ASB5: variants seen among roughly 807,000 people sequenced by gnomAD.
ASB5 encodes the protein ankyrin repeat and SOCS box containing 5.
A neutral mutation model predicts 42.1 loss-of-function variants in ASB5; 45 were observed. That is an observed-to-expected ratio of 1.07 (90% CI 0.84 to 1.37). ASB5 has a LOEUF of 1.37. Among genes scored for constraint, ASB5 ranks in the 40% most tolerant of loss-of-function variants. ASB5 has a pLI of 0.00. For missense variants in ASB5, 402 were observed against 399.8 expected (o/e 1.01, Z -0.05); for synonymous variants, 147 against 150.6 (o/e 0.98, Z 0.18).
intron 1 of ASB5, among the ~76,000 whole-genome samples, chr4:176,263,295 C>A (rs1226969660): frequency 6.6e-6 from 1 of 152,120 alleles, no homozygotes; most frequent in Non-Finnish European, 1.5e-5. Flanking sequence ...CCAGCCTCAG[C>A]TTTTCCTTTA....
chr4:176,268,773 C>T (rs535045227), intron 1 of ASB5, 140 bp downstream of exon 1: 36 of 677,702 alleles, frequency 5.3e-5, no homozygotes, highest in African/African-American at 1.5e-4. Flanking sequence ...TATAAAGCCA[C>T]GAAGTGAGTT....
chr4:176,225,333 C>T lies in ASB5; in HGVS notation c.205G>A (p.Ala69Thr). 1 of 1,612,270 alleles carries T rather than the reference C, an allele frequency of 6.2e-7. No homozygotes were observed. Among genetic ancestry groups the T allele is most frequent in the Non-Finnish European group, 8.5e-7 (1 of 1,179,578 alleles). The change falls in exon 2 of 7, where the codon GCA (alanine) becomes ACA (threonine). Residue 69 changes from alanine (A) to threonine (T), a missense_variant. Transcript: ENST00000296525. Reference sequence around the variant, plus strand: ...GCTTCATGTAGTGGTGATCGATCTGCCCAGGAACCTGTCAAAAAAGAAAAA... The same window carrying T: ...GCTTCATGTAGTGGTGATCGATCTGTCCAGGAACCTGTCAAAAAAGAAAAA... ...YGVTQGQGSW[A>T]DRSPLHEAAS... is the part of the protein sequence containing the mutation.
chr4:176,215,784 G>T (rs1752951478), intron 6 of ASB5, 57 bp from the exon 7 acceptor site: 3 of 1,514,468 alleles, frequency 2.0e-6, no homozygotes, highest in Non-Finnish European at 2.7e-6. Context: ...TTTTTATGTT[G>T]TAAGGTACAT....
At chr4:176,243,627 T>G (rs538940936) in intron 1 of ASB5, among the ~76,000 whole-genome samples, 1 of 152,024 alleles carries the variant, frequency 6.6e-6, no homozygotes, top group Admixed American at 6.6e-5. Flanking sequence ...CTCAGCCTCC[T>G]GAGTAGCTGG....
At chr4:176,225,108 A>G (rs149809961) in intron 2 of ASB5, among the ~76,000 whole-genome samples, 154 bp downstream of exon 2, 12 of 152,238 alleles carry the variant, frequency 7.9e-5, no homozygotes, top group Non-Finnish European at 1.5e-4. Context: ...AGTTTCAAAG[A>G]TAAGTGAGAA....
At chr4:176,221,926 T>C (rs1389790670) in intron 3 of ASB5, among the ~76,000 whole-genome samples, 1 of 152,148 alleles carries the variant, frequency 6.6e-6, no homozygotes, top group Non-Finnish European at 1.5e-5. Flanking sequence ...AGTGTAATGA[T>C]GATGAAGTTG....
intron 1 of ASB5, among the ~76,000 whole-genome samples, chr4:176,261,967 A>G (rs141269544): frequency 4.2e-4 from 64 of 151,510 alleles, no homozygotes; most frequent in African/African-American, 1.5e-3. Context: ...TACTATATAT[A>G]TTACAGATAT....
At chr4:176,241,461 C>T (rs977857528) in intron 1 of ASB5, 1 of 1,533,932 alleles carries the variant, frequency 6.5e-7, no homozygotes, top group East Asian at 2.4e-5. Context: ...TTTTCTTTTA[C>T]CTGTTACTGC....
chr4:176,268,847 A>G (rs929394608), intron 1 of ASB5, 66 bp downstream of exon 1: 7 of 1,310,636 alleles, frequency 5.3e-6, no homozygotes, highest in East Asian at 5.2e-5. Context: ...AAAAGAAAAC[A>G]TGTAATTGTG....
At chr4:176,237,288 A>G (rs1561259231) in intron 1 of ASB5, 3 of 985,832 alleles carry the variant, frequency 3.0e-6, no homozygotes, top group Non-Finnish European at 3.6e-6. Context: ...TGGCTGCTAT[A>G]CTAACCTTGA....
chr4:176,254,895 G>A (rs899021200), intron 1 of ASB5, among the ~76,000 whole-genome samples: 2 of 152,172 alleles, frequency 1.3e-5, no homozygotes, highest in Admixed American at 6.5e-5. Context: ...ACTTTGGGAG[G>A]CCGAGGCGAG....
In ASB5 at chr4:176,232,941, G is replaced by A. The variant is rs563913479; in HGVS notation, c.197-7600C>T. On this transcript the variant is annotated intron_variant, in intron 1 of 6. Transcript: ENST00000296525. ...CTGGTGCCATGGATAGAGCATGCTGGATTTAACTATAAGATAGACCTGAGT... is the reference window on the plus strand; with the variant it reads ...CTGGTGCCATGGATAGAGCATGCTGAATTTAACTATAAGATAGACCTGAGT... Among the ~76,000 whole-genome samples, 7 of 152,246 alleles carry A rather than the reference G, an allele frequency of 4.6e-5. No individual in the cohort carries two copies. In the South Asian group the frequency reaches 1.5e-3, roughly 32 times the overall value.
At chr4:176,270,719 C>G (rs1302748246), upstream of ASB5, among the ~76,000 whole-genome samples, 1 of 152,062 alleles carries the variant, frequency 6.6e-6, no homozygotes, top group East Asian at 1.9e-4. Flanking sequence ...ACAAAATGTT[C>G]CTCTCTTTCA....
intron 1 of ASB5, among the ~76,000 whole-genome samples, chr4:176,265,533 G>A (rs968233425): frequency 3.9e-5 from 6 of 152,126 alleles, no homozygotes; most frequent in African/African-American, 1.4e-4. Flanking sequence ...TCAATGCTTA[G>A]AACTTGTCTT....
At chr4:176,233,517 A>G (rs1753606092) in intron 1 of ASB5, among the ~76,000 whole-genome samples, 1 of 152,184 alleles carries the variant, frequency 6.6e-6, no homozygotes, top group African/African-American at 2.4e-5. Context: ...AAACAGTGTT[A>G]CCATTTCCCT....
At position 176,221,292 on chromosome 4, in the gene ASB5, G is replaced by C. The variant is rs371930383; in HGVS notation, c.536-3C>G. ...GATGTCAAGACATTCATGGTGACCTGCCAACACAAAGTAGAGGAGTTTAAC... is the reference window on the plus strand; with the variant it reads ...GATGTCAAGACATTCATGGTGACCTCCCAACACAAAGTAGAGGAGTTTAAC... On this transcript the variant is annotated splice_region_variant and splice_polypyrimidine_tract_variant and intron_variant, in intron 4 of 6. Transcript: ENST00000296525. 1.1e-4 allele frequency: 183 copies of C among 1,613,648 alleles called. No individual in the cohort carries two copies. The highest frequency in any genetic ancestry group is 1.5e-4 in the Non-Finnish European group (177 of 1,179,848).
chr4:176,273,668 T>C (rs1240941405), upstream of ASB5, among the ~76,000 whole-genome samples: 1 of 152,220 alleles, frequency 6.6e-6, no homozygotes, highest in East Asian at 1.9e-4. Context: ...GAACAGCCTT[T>C]CTCCTAAAAA....
At chr4:176,225,765 T>C (rs574896008) in intron 1 of ASB5, among the ~76,000 whole-genome samples, 2 of 152,218 alleles carry the variant, frequency 1.3e-5, no homozygotes, top group Admixed American at 6.5e-5. Context: ...CATTTTTGTA[T>C]TTTTAGTAGA....
At chr4:176,218,441 T>C (rs1753050209) in intron 5 of ASB5, among the ~76,000 whole-genome samples, 1 of 107,592 alleles carries the variant, frequency 9.3e-6, no homozygotes, top group African/African-American at 3.8e-5. Flanking sequence ...GATATATAAA[T>C]ATATATATTT....
Sources: allele counts gnomAD v4.1 joint callset (sites outside exome capture counted in the v4.1 genomes callset), GRCh38; gene constraint gnomAD v4.1.1; transcripts MANE v1.5; gene names NCBI Gene and HGNC (gene_info 2026-07-23, HGNC 2026-07-21).